The following PTPRG variants were observed in gnomAD, a reference collection of about 807,000 sequenced individuals.
The protein encoded by PTPRG is protein tyrosine phosphatase receptor type G, also known as receptor-type tyrosine-protein phosphatase gamma.
A neutral mutation model predicts 165.3 loss-of-function variants in PTPRG; 102 were observed. That is an observed-to-expected ratio of 0.62 (90% CI 0.53 to 0.73). PTPRG has a LOEUF of 0.73. Among genes scored for constraint, PTPRG ranks in the 30% least tolerant of loss-of-function variants. The pLI is 0.00. For synonymous variants in PTPRG, 675 were observed against 669.5 expected (o/e 1.01, Z -0.13); for missense variants, 1,866 against 1,861.4 (o/e 1.00, Z -0.05).
At chr3:62,161,471 G>A (rs928171862) in intron 7 of PTPRG, among the ~76,000 whole-genome samples, 2 of 152,174 alleles carry the variant, frequency 1.3e-5, no homozygotes, top group Admixed American at 1.3e-4. Flanking sequence ...GTGGCTACTG[G>A]CTGTCACAGC....
chr3:61,720,244 C>T (rs2031991044), intron 1 of PTPRG, among the ~76,000 whole-genome samples: 1 of 152,044 alleles, frequency 6.6e-6, no homozygotes, highest in Admixed American at 6.6e-5. Flanking sequence ...CTGCCTCAGC[C>T]TCCCGAGTAG....
chr3:62,107,160 A>G (rs1006954534), intron 5 of PTPRG, among the ~76,000 whole-genome samples: 1 of 152,238 alleles, frequency 6.6e-6, no homozygotes, highest in Non-Finnish European at 1.5e-5. Flanking sequence ...CACAGTTGGC[A>G]TCCCTGTTAA....
At chr3:61,674,754 A>C (rs748012269) in intron 1 of PTPRG, among the ~76,000 whole-genome samples, 4 of 152,144 alleles carry the variant, frequency 2.6e-5, no homozygotes, top group Non-Finnish European at 2.9e-5. Context: ...ATGTCTTTCA[A>C]ACTCTGGGTG....
Position 61,966,878 on chromosome 3 carries a change from G to C in PTPRG, c.191-22747G>C, listed in dbSNP as rs1227741476. On this transcript the variant is annotated intron_variant, in intron 2 of 29. Coordinates refer to ENST00000474889, the MANE Select transcript of PTPRG (RefSeq NM_002841.4). ...CATTTATTAAGGCCACTTTGTTTTT[G>C]CTTAGCTTGTATGTTTATTAAGGCC... is the stretch of plus-strand genomic sequence containing the variant. 3.9e-5 allele frequency among the ~76,000 whole-genome samples: 6 copies of C among 152,104 alleles called. No individual in the cohort carries two copies. The South Asian group carries it at 8.3e-4, about 21-fold the overall frequency.
At chr3:61,837,451 A>G (rs1427624791) in intron 2 of PTPRG, among the ~76,000 whole-genome samples, 1 of 152,222 alleles carries the variant, frequency 6.6e-6, no homozygotes, top group Non-Finnish European at 1.5e-5. Context: ...TTGAGTCACA[A>G]GCAGGGCTCC....
intron 20 of PTPRG, among the ~76,000 whole-genome samples, chr3:62,270,272 C>G (rs1291402419): frequency 6.6e-6 from 1 of 151,902 alleles, no homozygotes; most frequent in Non-Finnish European, 1.5e-5. Flanking sequence ...TTCACACTTA[C>G]TCACATTTTT....
Position 62,078,177 on chromosome 3 carries a change from T to G in PTPRG, c.534T>G (p.Phe178Leu), listed in dbSNP as rs781371391. ...RRFPVEMQIF[F>L]YNPDDFDSFQ... ...TGTTCTTACAGATGCAGATTTTCTT[T>G]TACAATCCAGATGACTTTGACAGCT... Residue 178 changes from phenylalanine (F) to leucine (L), a missense_variant, in exon 5 of 30, where the codon TTT (phenylalanine) becomes TTG (leucine). Phe to Leu is a conservative substitution (Grantham distance 22). Around this residue, in one of 3 missense-constraint regions of PTPRG, gnomAD observed 408 missense variants for 376.2 expected, o/e 1.08. Coordinates refer to ENST00000474889, the MANE Select transcript of PTPRG (RefSeq NM_002841.4). The G allele has an allele frequency of 6.2e-7, 1 of 1,600,378 alleles. No individual in the cohort carries two copies.
At chr3:61,885,532 C>G (rs1017456312) in intron 2 of PTPRG, among the ~76,000 whole-genome samples, 3 of 151,176 alleles carry the variant, frequency 2.0e-5, no homozygotes, top group Non-Finnish European at 4.4e-5. Context: ...ATGTTTACAC[C>G]AATTGCAATA....
At chr3:61,610,475 A>G (rs774565275) in intron 1 of PTPRG, among the ~76,000 whole-genome samples, 10 of 152,184 alleles carry the variant, frequency 6.6e-5, no homozygotes, top group Admixed American at 2.6e-4. Context: ...AGGAGCCTCC[A>G]TGGGGCAAAG....
chr3:62,029,291 G>A (rs1299386629), intron 4 of PTPRG, among the ~76,000 whole-genome samples: 95 of 152,268 alleles, frequency 6.2e-4, no homozygotes, highest in Middle Eastern at 3.4e-3. Flanking sequence ...AGTCCATTTG[G>A]AGACACTGCT....
rs549779459 is a variant in PTPRG at position 62,277,174 on chromosome 3, A to T, written c.3636+126A>T. The T allele has an allele frequency of 5.8e-5, 44 of 752,742 alleles. 2 individuals carry two copies. In the South Asian group the frequency reaches 8.5e-4, roughly 15 times the overall value. 46.6% of individuals were successfully genotyped at this position (752,742 alleles called of 1,614,324 possible). A position where few individuals can be genotyped will look rare whatever the true frequency, so the allele number is the denominator to read the frequency against. On this transcript the variant is annotated intron_variant, in intron 25 of 29. Transcript: ENST00000474889. ...TCAATGTGTAATATGAAAAGTATAG[A>T]GATTTCTGTATCTTGAAACTTTTAA...
At chr3:62,269,007 A>G (rs1701974176) in intron 19 of PTPRG, 28 bp from the exon 20 acceptor site, 2 of 1,534,370 alleles carry the variant, frequency 1.3e-6, no homozygotes, top group African/African-American at 1.4e-5. Context: ...GATTGCAGTT[A>G]TACTTTACAA....
At chr3:62,054,789 T>C (rs1700582334) in intron 4 of PTPRG, among the ~76,000 whole-genome samples, 1 of 152,224 alleles carries the variant, frequency 6.6e-6, no homozygotes. Context: ...CGGGAGTATG[T>C]GACAGGGAAT....
chr3:61,755,545 A>G (rs1281151883), intron 2 of PTPRG, among the ~76,000 whole-genome samples: 1 of 152,214 alleles, frequency 6.6e-6, no homozygotes. Flanking sequence ...TTTGTTTACC[A>G]CACTTACTAA....
At chr3:62,184,668 C>T (rs547201718) in intron 8 of PTPRG, among the ~76,000 whole-genome samples, 3 of 152,198 alleles carry the variant, frequency 2.0e-5, no homozygotes, top group South Asian at 2.1e-4. Flanking sequence ...GCATCTCCCC[C>T]ACGGTCGTCT....
chr3:61,794,977 G>A (rs1362692955), intron 2 of PTPRG, among the ~76,000 whole-genome samples: 1 of 152,150 alleles, frequency 6.6e-6, no homozygotes, highest in African/African-American at 2.4e-5. Context: ...CTAGGAAAGT[G>A]ACCTCACTGT....
chr3:62,218,217 G>A (rs1391816417), intron 12 of PTPRG, among the ~76,000 whole-genome samples: 5 of 152,200 alleles, frequency 3.3e-5, no homozygotes, highest in African/African-American at 7.2e-5. Flanking sequence ...CCTGGCTTGA[G>A]TGCTAAATCG....
At chr3:62,103,119 T>C (rs760709409) in intron 5 of PTPRG, among the ~76,000 whole-genome samples, 27 of 152,196 alleles carry the variant, frequency 1.8e-4, no homozygotes, top group Non-Finnish European at 4.0e-4. Context: ...CATTTTTTCC[T>C]AACCCTCAGC....
At chr3:62,016,721 G>A (rs1481602514) in intron 4 of PTPRG, among the ~76,000 whole-genome samples, 2 of 152,056 alleles carry the variant, frequency 1.3e-5, no homozygotes, top group Non-Finnish European at 2.9e-5. Context: ...TTTTCCAGTG[G>A]TTTCCAATCA....
Sources: allele counts gnomAD v4.1 joint callset (sites outside exome capture counted in the v4.1 genomes callset), GRCh38; gene constraint gnomAD v4.1.1; regional missense constraint gnomAD v4.1.1; transcripts MANE v1.5; gene names NCBI Gene and HGNC (gene_info 2026-07-23, HGNC 2026-07-21).